Variants in SUGCT observed in about 807,000 individuals in gnomAD.
SUGCT encodes succinyl-CoA:glutarate CoA-transferase.
In SUGCT, 41 loss-of-function variants were observed where a neutral mutation model predicts 55.0. That is an observed-to-expected ratio of 0.74 (90% CI 0.58 to 0.97). The LOEUF (loss-of-function observed/expected upper bound fraction) is 0.97. SUGCT is among the 50% of genes least tolerant of loss of function. The pLI, the probability that SUGCT is intolerant of heterozygous loss-of-function variation, is 0.00. For missense variants in SUGCT, 568 were observed against 547.8 expected, an observed-to-expected ratio of 1.04 and a Z score of -0.37; for synonymous variants, 187 against 200.4, an observed-to-expected ratio of 0.93 and a Z score of 0.56.
chr7:40,272,068 GCTCTCTCTCTCTCT>G (rs369167019), intron 7 of SUGCT, among the ~76,000 whole-genome samples: 1 of 92,984 alleles, frequency 1.1e-5, no homozygotes, highest in Non-Finnish European at 2.1e-5. Flanking sequence ...TCTCTGTCTC[GCTCTCTCTCTCTCT>G]CTCTCTCTCT....
chr7:40,672,214 A>C (rs942790407), intron 12 of SUGCT, among the ~76,000 whole-genome samples: 1 of 152,222 alleles, frequency 6.6e-6, no homozygotes, highest in South Asian at 2.1e-4. Flanking sequence ...ACAAATTTTA[A>C]GTAGAAATAT....
chr7:40,897,019 A>G, the SUGCT span, among the ~76,000 whole-genome samples: 1 of 152,250 alleles, frequency 6.6e-6, no homozygotes, highest in Non-Finnish European at 1.5e-5. Flanking sequence ...CATATAAACC[A>G]GTGGAACAGA....
In SUGCT at chr7:40,380,920, T is replaced by A. The variant is rs527925949; in HGVS notation, c.816+64065T>A. On this transcript the variant is annotated intron_variant, in intron 9 of 13. Transcript: ENST00000335693. ...CAGGATTATTCACTGTGAAATCAAA[T>A]GAAAACTTTGATTTAAAAAATGAAA... Among the ~76,000 whole-genome samples, 98 of 152,316 alleles carry A rather than the reference T, an allele frequency of 6.4e-4. 1 individual carries two copies. The highest frequency in any genetic ancestry group is 6.1e-3 in the Admixed American group (94 of 15,294).
intron 12 of SUGCT, among the ~76,000 whole-genome samples, chr7:40,741,430 G>T (rs1209157812): frequency 6.6e-6 from 1 of 152,128 alleles, no homozygotes; most frequent in African/African-American, 2.4e-5. Flanking sequence ...GCTTTAATAA[G>T]ATACCATTTC....
intron 7 of SUGCT, among the ~76,000 whole-genome samples, chr7:40,253,135 A>G (rs1365561281): frequency 6.6e-6 from 1 of 152,222 alleles, no homozygotes; most frequent in Non-Finnish European, 1.5e-5. Context: ...TGTTTAGACA[A>G]ACTACTGTGA....
In SUGCT at chr7:40,763,338, C is replaced by A. The variant is rs562846275; in HGVS notation, c.1153+13841C>A. 3.7e-4 allele frequency among the ~76,000 whole-genome samples: 56 copies of A among 152,182 alleles called. 1 individual carries two copies. The South Asian group carries it at 0.011, about 29-fold the overall frequency. On this transcript the variant is annotated intron_variant, in intron 13 of 13. Coordinates refer to ENST00000335693, the MANE Select transcript of SUGCT (RefSeq NM_001193313.2). Reference sequence around the variant, plus strand: ...TTTCACAGGTGAGCAAACTGAGCCTCAGATAAATTAAATAGCCCGAGGAAG... The same window carrying A: ...TTTCACAGGTGAGCAAACTGAGCCTAAGATAAATTAAATAGCCCGAGGAAG...
the SUGCT span, among the ~76,000 whole-genome samples, chr7:41,002,854 A>G: frequency 1.3e-5 from 2 of 152,132 alleles, no homozygotes; most frequent in East Asian, 3.9e-4. Flanking sequence ...CCTGTTGCAG[A>G]TCCTGGCAAT....
chr7:40,378,288 G>T (rs1182555100), intron 9 of SUGCT, among the ~76,000 whole-genome samples: 1 of 151,926 alleles, frequency 6.6e-6, no homozygotes, highest in Non-Finnish European at 1.5e-5. Flanking sequence ...GCTCTCTGAG[G>T]ATCTGTCAGT....
At chr7:40,318,541 G>A (rs10260853) in intron 9 of SUGCT, among the ~76,000 whole-genome samples, 85,519 of 152,098 alleles carry the variant, frequency 0.56, 25,417 homozygotes, top group Non-Finnish European at 0.67. Context: ...GGTTCAAGCG[G>A]TTCTTCTGCC....
At chr7:40,787,972 A>G (rs928555937) in intron 13 of SUGCT, among the ~76,000 whole-genome samples, 27 of 152,010 alleles carry the variant, frequency 1.8e-4, no homozygotes, top group Admixed American at 9.8e-4. Context: ...TTTGCTGGCG[A>G]GGTGTTAGAG....
chr7:40,687,128 G>A (rs776108348), intron 12 of SUGCT, among the ~76,000 whole-genome samples: 32 of 151,986 alleles, frequency 2.1e-4, no homozygotes, highest in Non-Finnish European at 1.8e-4. Flanking sequence ...ATCATCATCT[G>A]TTGTTTCTAC....
chr7:40,802,361 T>C (rs1261991675), intron 13 of SUGCT, among the ~76,000 whole-genome samples: 1 of 152,012 alleles, frequency 6.6e-6, no homozygotes, highest in Non-Finnish European at 1.5e-5. Flanking sequence ...ACCTTCAAGT[T>C]GTCTTCTTGC....
At chr7:40,890,286 A>G in the SUGCT span, among the ~76,000 whole-genome samples, 4 of 135,984 alleles carry the variant, frequency 2.9e-5, no homozygotes, top group Admixed American at 3.0e-4. Flanking sequence ...TTAAATATTT[A>G]TATTATATAA....
At chr7:40,925,823 A>G in the SUGCT span, among the ~76,000 whole-genome samples, 1 of 152,184 alleles carries the variant, frequency 6.6e-6, no homozygotes, top group African/African-American at 2.4e-5. Context: ...GCCAGTCATG[A>G]TGGCTCATGC....
At chr7:40,217,853 C>T (rs1787763710) in intron 6 of SUGCT, among the ~76,000 whole-genome samples, 1 of 152,300 alleles carries the variant, frequency 6.6e-6, no homozygotes, top group South Asian at 2.1e-4. Context: ...AAAACTGTCA[C>T]TAGTGTCACT....
the SUGCT span, among the ~76,000 whole-genome samples, chr7:40,913,153 G>A: frequency 8.9e-4 from 135 of 151,878 alleles, no homozygotes; most frequent in Non-Finnish European, 2.1e-4. Context: ...TGGGACTACA[G>A]GCGTGTGCCA....
At chr7:40,898,485 G>GGGGGGC in the SUGCT span, among the ~76,000 whole-genome samples, 6 of 99,200 alleles carry the variant, frequency 6.0e-5, no homozygotes, top group African/African-American at 1.6e-4. Flanking sequence ...GAGGTCGGGG[G>GGGGGGC]GGGGGGGGGG....
intron 13 of SUGCT, among the ~76,000 whole-genome samples, chr7:40,858,471 C>T (rs17171785): frequency 0.029 from 4,228 of 147,738 alleles, 76 homozygotes; most frequent in Middle Eastern, 0.061. Flanking sequence ...ATTACTACTA[C>T]TGTCTTGCTT....
chr7:40,928,890 T>C, the SUGCT span, among the ~76,000 whole-genome samples: 2 of 152,124 alleles, frequency 1.3e-5, no homozygotes, highest in Non-Finnish European at 2.9e-5. Flanking sequence ...TGAGCCACCC[T>C]GCCCGGCAAA....
Sources: gnomAD v4.1 joint callset for allele counts (sites outside exome capture counted in the v4.1 genomes callset) on GRCh38, gnomAD v4.1.1 for gene constraint, MANE v1.5 for transcripts, NCBI Gene and HGNC (gene_info 2026-07-23, HGNC 2026-07-21) for gene names.